The following PSMB1 variants were observed in gnomAD, a reference collection of about 807,000 sequenced individuals.
PSMB1 encodes the protein proteasome subunit beta type-1.
In PSMB1, 7 loss-of-function variants were observed where a neutral mutation model predicts 25.4. That is an observed-to-expected ratio of 0.28 (90% CI 0.16 to 0.52). PSMB1 has a LOEUF of 0.52. PSMB1 is among the 20% of genes least tolerant of loss of function. PSMB1 has a pLI of 0.97. For synonymous variants in PSMB1, 119 were observed against 115.0 expected, an observed-to-expected ratio of 1.03 and a Z score of -0.22; for missense variants, 284 against 302.2, an observed-to-expected ratio of 0.94 and a Z score of 0.45.
At chr6:170,540,310 G>T (rs1041825247) in intron 4 of PSMB1, among the ~76,000 whole-genome samples, 1 of 152,084 alleles carries the variant, frequency 6.6e-6, no homozygotes, top group Non-Finnish European at 1.5e-5. Context: ...GCTCTAGAGT[G>T]GCAAAGGGTA....
At chr6:170,545,415 C>A (rs545040054) in intron 3 of PSMB1, among the ~76,000 whole-genome samples, 2 of 152,110 alleles carry the variant, frequency 1.3e-5, no homozygotes, top group Non-Finnish European at 2.9e-5. Flanking sequence ...AAAGCATTAA[C>A]AATTGATAAA....
chr6:170,543,744 T>TAAA lies in PSMB1; in HGVS notation c.304-17_304-15dup, dbSNP rs1354531028. 4 of 1,601,922 alleles carry TAAA rather than the reference T, an allele frequency of 2.5e-6. No individual in the cohort carries two copies. The highest frequency in any genetic ancestry group is 3.4e-6 in the Non-Finnish European group (4 of 1,174,266). On this transcript the variant is annotated splice_polypyrimidine_tract_variant and intron_variant, in intron 3 of 5. Transcript: ENST00000262193. ...ATGCTTATACATCTGCAATTATTGA[T>TAAA]AAAAGTCACAGGCATGTAGAGGCAG...
intron 1 of PSMB1, among the ~76,000 whole-genome samples, chr6:170,552,519 A>C (rs200087141): frequency 2.8e-5 from 1 of 35,094 alleles, no homozygotes; most frequent in Admixed American, 2.3e-4. Flanking sequence ...GCTAAACGTT[A>C]AAAAAAAAAA....
chr6:170,535,127 G>A lies in PSMB1; in HGVS notation c.*93C>T. The A allele has an allele frequency of 8.6e-7, 1 of 1,163,844 alleles. No homozygotes were observed. Among genetic ancestry groups the A allele is most frequent in the East Asian group, 2.5e-5 (1 of 39,778 alleles). The allele number at this position is 1,163,844 out of a possible 1,614,324, so 72.1% of individuals were successfully genotyped here. ...AAGTTATAGCAAAATGAGTACTTCA[G>A]GTTTCTCTTTTAATAAACAAAACCA... On this transcript the variant is annotated 3_prime_UTR_variant, in exon 6 of 6. Transcript: ENST00000262193.
intron 5 of PSMB1, chr6:170,536,542 C>A (rs1778696019): frequency 2.2e-6 from 1 of 454,042 alleles, no homozygotes; most frequent in African/African-American, 2.0e-5. Context: ...GTCCACCACT[C>A]CAGACAGATG....
intron 1 of PSMB1, 43 bp downstream of exon 1, chr6:170,553,087 G>C: frequency 6.6e-7 from 1 of 1,514,690 alleles, no homozygotes; most frequent in Non-Finnish European, 9.0e-7. Flanking sequence ...CAGCAGATGG[G>C]GGAAGGGCGA....
rs1266541716 is a variant in PSMB1 at position 170,535,304 on chromosome 6, A to C, written c.642T>G (p.Asp214Glu). The C allele has an allele frequency of 4.3e-6, 7 of 1,614,106 alleles. No individual in the cohort carries two copies. Among genetic ancestry groups the C allele is most frequent in the South Asian group, 1.1e-5 (1 of 91,084 alleles). ...TCCGGAGTGCGTCCCCAGTGTACACATCTCTCTCAGCCGCAGAAATGAAGA... is the reference window on the plus strand; with the variant it reads ...TCCGGAGTGCGTCCCCAGTGTACACCTCTCTCTCAGCCGCAGAAATGAAGA... ...KDVFISAAERDVYTGDALRIC... is the reference protein window; with the variant it reads ...KDVFISAAEREVYTGDALRIC... Residue 214 changes from aspartate (D) to glutamate (E), a missense_variant, in exon 6 of 6, where the codon GAT becomes GAG. Transcript: ENST00000262193.
chr6:170,537,152 A>T, intron 5 of PSMB1, 82 bp downstream of exon 5: 1 of 1,061,786 alleles, frequency 9.4e-7, no homozygotes, highest in East Asian at 2.4e-5. Flanking sequence ...GCTAATGAAG[A>T]GGAGAACTTG....
At chr6:170,536,319 G>T (rs1342854279) in intron 5 of PSMB1, 3 of 447,352 alleles carry the variant, frequency 6.7e-6, no homozygotes, top group Non-Finnish European at 1.3e-5. Flanking sequence ...CACATAAACT[G>T]ATTATAAAAA....
At chr6:170,550,633 A>G (rs1350361926) in intron 1 of PSMB1, among the ~76,000 whole-genome samples, 1 of 152,218 alleles carries the variant, frequency 6.6e-6, no homozygotes, top group East Asian at 1.9e-4. Flanking sequence ...ACAATAACAT[A>G]GTATGTGAAA....
At chr6:170,539,579 T>C (rs1289830212) in intron 4 of PSMB1, among the ~76,000 whole-genome samples, 2 of 152,180 alleles carry the variant, frequency 1.3e-5, no homozygotes, top group Admixed American at 1.3e-4. Flanking sequence ...AACTGTTCAA[T>C]AGGCAAAAAG....
chr6:170,535,993 T>A (rs571353223), intron 5 of PSMB1, among the ~76,000 whole-genome samples: 1 of 152,190 alleles, frequency 6.6e-6, no homozygotes, highest in African/African-American at 2.4e-5. Context: ...AGTAAACTTG[T>A]AGGCAGAAAG....
intron 1 of PSMB1, chr6:170,549,344 G>T: frequency 2.2e-6 from 1 of 458,252 alleles, no homozygotes. Context: ...CTTGGCAGGA[G>T]TTAACAGAAA....
intron 4 of PSMB1, among the ~76,000 whole-genome samples, chr6:170,540,785 A>C (rs1562351668): frequency 6.6e-6 from 1 of 152,098 alleles, no homozygotes; most frequent in Non-Finnish European, 1.5e-5. Context: ...TGACACCAGA[A>C]ATAAAAGCAA....
In PSMB1 at chr6:170,543,672, G is replaced by C; in HGVS notation, c.362C>G (p.Ser121Cys). The C allele has an allele frequency of 1.2e-6, 2 of 1,611,822 alleles. No individual in the cohort carries two copies. Among genetic ancestry groups the C allele is most frequent in the Non-Finnish European group, 1.7e-6 (2 of 1,177,992 alleles). ...GAAGCGCCTTGAATACAGGATTGTA[G>C]ACAGCATTGCAGCAATTGCCCCCGT... Reference protein sequence around the residue: ...MTTGAIAAMLSTILYSRRFFP... With the variant: ...MTTGAIAAMLCTILYSRRFFP... Residue 121 changes from serine to cysteine, a missense_variant, in exon 4 of 6, where the codon TCT (serine) becomes TGT (cysteine). Physicochemically the swap from Ser to Cys is moderately radical, Grantham distance 112. Transcript: ENST00000262193.
At chr6:170,538,323 C>G (rs1045781426) in intron 4 of PSMB1, among the ~76,000 whole-genome samples, 1 of 152,116 alleles carries the variant, frequency 6.6e-6, no homozygotes, top group Admixed American at 6.5e-5. Flanking sequence ...AACTCAGTAC[C>G]CTGGGAGATG....
intron 4 of PSMB1, among the ~76,000 whole-genome samples, chr6:170,542,067 T>A (rs1019727689): frequency 6.6e-6 from 1 of 152,234 alleles, no homozygotes; most frequent in Admixed American, 6.5e-5. Context: ...TAATTACCCA[T>A]GTTAAAGGTA....
In PSMB1 at chr6:170,535,211, G is replaced by A. The variant is rs1778675227; in HGVS notation, c.*9C>T. ...AGGTCTGAACTGATTGGTGATAAGA[G>A]CACACAGATCAGTCCTTCCTTAAGG... On this transcript the variant is annotated 3_prime_UTR_variant, in exon 6 of 6. Transcript: ENST00000262193. 6.2e-7 allele frequency: 1 copy of A among 1,612,554 alleles called. No homozygotes were observed. Among genetic ancestry groups the A allele is most frequent in the African/African-American group, 1.3e-5 (1 of 74,980 alleles).
At position 170,539,410 on chromosome 6, in the gene PSMB1, C is replaced by A. The variant is rs543050157; in HGVS notation, c.434-2070G>T. On this transcript the variant is annotated intron_variant, in intron 4 of 5. Coordinates refer to ENST00000262193, the MANE Select transcript of PSMB1 (RefSeq NM_002793.4). ...TCTATAATATCACAGACATTTGACA[C>A]AGTCGAATGTAGTTCTTGAAAATCA... Among the ~76,000 whole-genome samples the A allele has an allele frequency of 5.9e-5, 9 of 152,120 alleles. No homozygotes were observed. The South Asian group carries it at 1.9e-3, about 31-fold the overall frequency.
Sources: gnomAD v4.1 joint callset for allele counts (sites outside exome capture counted in the v4.1 genomes callset) on GRCh38, gnomAD v4.1.1 for gene constraint, MANE v1.5 for transcripts, NCBI Gene and HGNC (gene_info 2026-07-23, HGNC 2026-07-21) for gene names.